The following DPF2 variants were observed in gnomAD, a reference collection of about 807,000 sequenced individuals.
DPF2 encodes the protein double PHD fingers 2, also known as zinc finger protein ubi-d4.
DPF2 carries 10 observed loss-of-function variants against 59.6 expected under a neutral mutation model. The ratio of observed to expected loss-of-function variants is 0.17; its 90% CI spans 0.10 to 0.28. DPF2 has a LOEUF of 0.28. DPF2 is among the 10% of genes least tolerant of loss of function. DPF2 has a pLI of 1.00. For synonymous variants in DPF2, 189 were observed against 190.6 expected (o/e 0.99, Z 0.07); for missense variants, 315 against 509.4 (o/e 0.62, Z 3.67).
At chr11:65,344,607 A>C in intron 6 of DPF2, 1 of 1,535,888 alleles carries the variant, frequency 6.5e-7, no homozygotes, top group Non-Finnish European at 8.7e-7. Context: ...CATACCTCGA[A>C]AGCGCCCCAG....
At chr11:65,335,544 A>G (rs1313936457) in intron 1 of DPF2, among the ~76,000 whole-genome samples, 1 of 152,190 alleles carries the variant, frequency 6.6e-6, no homozygotes, top group East Asian at 1.9e-4. Flanking sequence ...TTCTCTTTGA[A>G]AAACTGTAGA....
Position 65,351,775 on chromosome 11 carries a change from G to A in DPF2, c.*16G>A. ...CTCCTCTTGATGTGGCCACCCACCT[G>A]CTCCCCGACATATCTAAGGCTGTTT... On this transcript the variant is annotated 3_prime_UTR_variant, in exon 11 of 11. Transcript: ENST00000528416. 1 of 1,611,670 alleles carries A rather than the reference G, an allele frequency of 6.2e-7. No homozygotes were observed. Among genetic ancestry groups the A allele is most frequent in the Non-Finnish European group, 8.5e-7 (1 of 1,179,202 alleles).
intron 10 of DPF2, among the ~76,000 whole-genome samples, chr11:65,351,232 CA>C (rs966901362): frequency 2.0e-5 from 3 of 151,634 alleles, no homozygotes; most frequent in African/African-American, 7.3e-5. Context: ...TAATTTTATT[CA>C]AAAAAAATTA....
At chr11:65,346,488 C>G (rs1470840888) in intron 9 of DPF2, 129 bp downstream of exon 9, 2 of 727,474 alleles carry the variant, frequency 2.7e-6, no homozygotes, top group Non-Finnish European at 4.5e-6. Flanking sequence ...CACGCCCCTC[C>G]CTAGCATCTC....
At position 65,341,468 on chromosome 11, in the gene DPF2, G is replaced by T. The variant is rs748705843; in HGVS notation, c.371G>T (p.Arg124Leu). The change falls in exon 4 of 11, where the codon CGC becomes CTC. Residue 124 changes from arginine (R) to leucine (L), a missense_variant. Arg to Leu is a moderately radical substitution (Grantham distance 102). Coordinates refer to ENST00000528416, the MANE Select transcript of DPF2 (RefSeq NM_006268.5). ...GGCAGTAGTTTAGAGGCTCTGTTGC[G>T]CACTGACCCCCTGGAGAAGCGAGGT... ...QDGSSLEALL[R>L]TDPLEKRGAP... 1.2e-6 allele frequency: 2 copies of T among 1,614,084 alleles called. No individual in the cohort carries two copies. Among genetic ancestry groups the T allele is most frequent in the African/African-American group, 1.3e-5 (1 of 74,928 alleles).
chr11:65,335,375 T>C (rs145217412), intron 1 of DPF2, among the ~76,000 whole-genome samples: 1 of 152,312 alleles, frequency 6.6e-6, no homozygotes, highest in East Asian at 1.9e-4. Flanking sequence ...AAGATTCTCA[T>C]TGTACTGGGG....
At chr11:65,348,569 A>ACCCTGTC (rs1854604354) in intron 9 of DPF2, 1 of 368,180 alleles carries the variant, frequency 2.7e-6, no homozygotes, top group African/African-American at 2.2e-5. Context: ...TGACAGCAAT[A>ACCCTGTC]CCCTGTCTCA....
chr11:65,348,137 T>G (rs1854591122), intron 9 of DPF2: 1 of 151,940 alleles, frequency 6.6e-6, no homozygotes, highest in Non-Finnish European at 1.5e-5. Context: ...AAATAAACAC[T>G]TAGCCAGGTG....
rs1448566944 is a variant in DPF2 at position 65,353,451 on chromosome 11, A to C, written c.*1692A>C. ...CACACACAAAAGTTCTTGCAGGAGC[A>C]GGGTCTGTGTGGCTTCAGTTGCCTG... On this transcript the variant is annotated 3_prime_UTR_variant, in exon 11 of 11. Coordinates refer to ENST00000528416, the MANE Select transcript of DPF2 (RefSeq NM_006268.5). Among the ~76,000 whole-genome samples the C allele has an allele frequency of 6.6e-6, 1 of 152,238 alleles. No homozygotes were observed. Among genetic ancestry groups the C allele is most frequent in the African/African-American group, 2.4e-5 (1 of 41,458 alleles).
At chr11:65,344,343 A>C in intron 6 of DPF2, 1 of 610,996 alleles carries the variant, frequency 1.6e-6, no homozygotes. Flanking sequence ...CTCTCAACAG[A>C]TGGCCTGCAG....
At chr11:65,344,640 C>T in intron 6 of DPF2, 1 of 1,535,754 alleles carries the variant, frequency 6.5e-7, no homozygotes, top group Admixed American at 2.0e-5. Flanking sequence ...CTCAACTTTT[C>T]AGACTTGTGG....
intron 6 of DPF2, 179 bp from the exon 7 acceptor site, chr11:65,345,487 C>T (rs1049239265): frequency 1.1e-5 from 9 of 800,162 alleles, no homozygotes; most frequent in Middle Eastern, 3.8e-4. Context: ...GAGAGCCCCA[C>T]GGCCTGATGC....
intron 3 of DPF2, 63 bp downstream of exon 3, chr11:65,341,136 T>C (rs1467054950): frequency 6.5e-7 from 1 of 1,538,588 alleles, no homozygotes; most frequent in Non-Finnish European, 9.0e-7. Flanking sequence ...TGCTAATCAC[T>C]GTGATATACC....
intron 1 of DPF2, among the ~76,000 whole-genome samples, chr11:65,335,358 A>C (rs1175186526): frequency 6.6e-6 from 1 of 152,208 alleles, no homozygotes; most frequent in Admixed American, 6.5e-5. Flanking sequence ...CTCCAAAAAT[A>C]AAAAGGAAGA....
intron 1 of DPF2, among the ~76,000 whole-genome samples, chr11:65,336,652 G>A (rs1308866800): frequency 6.6e-6 from 1 of 151,506 alleles, no homozygotes; most frequent in Non-Finnish European, 1.5e-5. Context: ...AGCTGGGCAT[G>A]GTGGCGTGTG....
chr11:65,337,541 AGAG>A (rs1854231673), intron 1 of DPF2, among the ~76,000 whole-genome samples: 1 of 137,262 alleles, frequency 7.3e-6, no homozygotes, highest in Non-Finnish European at 1.6e-5. Context: ...AGAGAGAGAG[AGAG>A]AGAACAATGT....
chr11:65,341,343 A>G, intron 3 of DPF2, 56 bp from the exon 4 acceptor site: 1 of 1,608,094 alleles, frequency 6.2e-7, no homozygotes, highest in Admixed American at 1.7e-5. Flanking sequence ...ATGTGGACTC[A>G]GAGCAGTCTG....
At position 65,346,469 on chromosome 11, in the gene DPF2, C is replaced by G. The variant is rs1854534030; in HGVS notation, c.1017+110C>G. On this transcript the variant is annotated intron_variant, in intron 9 of 10. Coordinates refer to ENST00000528416, the MANE Select transcript of DPF2 (RefSeq NM_006268.5). ...TTTAAAAAGGGAGCAGGATCCCTCCCACATGCCACACGCCCCTCCCTAGCA... is the reference window on the plus strand; with the variant it reads ...TTTAAAAAGGGAGCAGGATCCCTCCGACATGCCACACGCCCCTCCCTAGCA... 3.5e-6 allele frequency: 3 copies of G among 866,384 alleles called. No individual in the cohort carries two copies. In the Admixed American group the frequency reaches 7.4e-5, roughly 21 times the overall value. 53.7% of individuals were successfully genotyped at this position (866,384 alleles called of 1,614,324 possible).
chr11:65,349,214 C>T (rs1467322576), intron 10 of DPF2, among the ~76,000 whole-genome samples: 1 of 152,174 alleles, frequency 6.6e-6, no homozygotes, highest in Non-Finnish European at 1.5e-5. Context: ...TTCTTCCAAC[C>T]AGTCCAGAAA....
Sources: gnomAD v4.1 joint callset for allele counts (sites outside exome capture counted in the v4.1 genomes callset) on GRCh38, gnomAD v4.1.1 for gene constraint, MANE v1.5 for transcripts, NCBI Gene and HGNC (gene_info 2026-07-23, HGNC 2026-07-21) for gene names.